The following RYR3 variants were observed in gnomAD, a reference collection of about 807,000 sequenced individuals.
RYR3 encodes the protein ryanodine receptor 3, also known as brain ryanodine receptor-calcium release channel.
A neutral mutation model predicts 584.3 loss-of-function variants in RYR3; 207 were observed. The observed-to-expected ratio is 0.35, with a 90% CI of 0.32 to 0.40. The LOEUF is 0.40. RYR3 is among the 10% of genes least tolerant of loss of function. The pLI is 1.00. For synonymous variants in RYR3, 2,416 were observed against 2,248.5 expected (o/e 1.07, Z -2.11); for missense variants, 5,616 against 6,089.2 (o/e 0.92, Z 2.59).
rs1167768915 is a variant in RYR3 at position 33,865,869 on chromosome 15, T to TG, written c.*643_*644insG. The TG allele has an allele frequency of 1.3e-5, 2 of 152,770 alleles. No individual in the cohort carries two copies. Among genetic ancestry groups the TG allele is most frequent in the African/African-American group, 4.8e-5 (2 of 41,474 alleles). 9.5% of individuals were successfully genotyped at this position (152,770 alleles called of 1,614,324 possible). A position where few individuals can be genotyped will look rare whatever the true frequency, so the allele number is the denominator to read the frequency against. ...ATTAGTTGTGATCTTCCGTCTTACT[T>TG]TATGAAACTGCACTTGAAGGTTATT... On this transcript the variant is annotated 3_prime_UTR_variant, in exon 104 of 104. Transcript: ENST00000634891.
At chr15:33,829,290 T>C (rs1448515724) in intron 85 of RYR3, among the ~76,000 whole-genome samples, 1 of 152,216 alleles carries the variant, frequency 6.6e-6, no homozygotes, top group Non-Finnish European at 1.5e-5. Flanking sequence ...ACAAGATTTA[T>C]TCTGCAGCCC....
At chr15:33,817,483 G>A (rs2076876429) in intron 75 of RYR3, among the ~76,000 whole-genome samples, 1 of 152,148 alleles carries the variant, frequency 6.6e-6, no homozygotes, top group Non-Finnish European at 1.5e-5. Context: ...CCTCATTCTG[G>A]TTCAGAGAGA....
intron 3 of RYR3, among the ~76,000 whole-genome samples, chr15:33,519,819 G>A (rs1056358682): frequency 6.6e-6 from 1 of 151,968 alleles, no homozygotes; most frequent in Admixed American, 6.6e-5. Context: ...CTATCCCCAG[G>A]CCCACATACA....
chr15:33,529,990 T>C (rs146726743), intron 3 of RYR3, among the ~76,000 whole-genome samples: 1,900 of 152,228 alleles, frequency 0.012, 45 homozygotes, highest in African/African-American at 0.043. Flanking sequence ...AACTGCCTGG[T>C]GAGGCAGAGA....
Position 33,450,114 on chromosome 15 carries a change from C to T in RYR3, c.52-23305C>T, listed in dbSNP as rs550333503. 1.2e-3 allele frequency among the ~76,000 whole-genome samples: 60 copies of T among 50,448 alleles called. 2 individuals carry two copies. The South Asian group carries it at 0.026, about 22-fold the overall frequency. 33.1% of individuals were successfully genotyped at this position (50,448 alleles called of 152,430 possible). On this transcript the variant is annotated intron_variant, in intron 1 of 103. Transcript: ENST00000634891. Reference sequence around the variant, plus strand: ...AAAAAAAAAAAAAAAAAAAAAAAGCCGGCAACTGTGAGCATTAGCAGTTAC... The same window carrying T: ...AAAAAAAAAAAAAAAAAAAAAAAGCTGGCAACTGTGAGCATTAGCAGTTAC...
intron 1 of RYR3, among the ~76,000 whole-genome samples, chr15:33,392,354 G>T (rs1358434426): frequency 6.6e-6 from 1 of 151,120 alleles, no homozygotes; most frequent in South Asian, 2.1e-4. Flanking sequence ...TTGAAATAAG[G>T]CTGGAGCACA....
At position 33,539,339 on chromosome 15, in the gene RYR3, C is replaced by A. The variant is rs762207625; in HGVS notation, c.434-11C>A. 16 of 1,545,196 alleles carry A rather than the reference C, an allele frequency of 1.0e-5. No homozygotes were observed. The highest frequency in any genetic ancestry group is 1.4e-5 in the African/African-American group (1 of 73,420). ...GTGAAGCAATGACTAACTCAAGGAGCCTTCATGTAGGAGAAGCCTGTTGGT... is the reference window on the plus strand; with the variant it reads ...GTGAAGCAATGACTAACTCAAGGAGACTTCATGTAGGAGAAGCCTGTTGGT... On this transcript the variant is annotated splice_polypyrimidine_tract_variant and intron_variant, in intron 5 of 103. Transcript: ENST00000634891.
At chr15:33,403,743 A>G (rs1225566055) in intron 1 of RYR3, among the ~76,000 whole-genome samples, 4 of 152,212 alleles carry the variant, frequency 2.6e-5, no homozygotes, top group Non-Finnish European at 5.9e-5. Flanking sequence ...TAATAATTCA[A>G]GTATTTCTAA....
At chr15:33,355,012 C>G (rs777885196) in intron 1 of RYR3, among the ~76,000 whole-genome samples, 1 of 151,926 alleles carries the variant, frequency 6.6e-6, no homozygotes. Flanking sequence ...GGTGAAACCC[C>G]GTCTCTACTA....
intron 94 of RYR3, chr15:33,851,410 C>T (rs2079103017): frequency 6.6e-6 from 1 of 152,052 alleles, no homozygotes; most frequent in Admixed American, 6.6e-5. Flanking sequence ...ATAGTGGCAC[C>T]TCATTGTATG....
chr15:33,773,977 C>T (rs1043244763), intron 64 of RYR3, among the ~76,000 whole-genome samples: 4 of 152,220 alleles, frequency 2.6e-5, no homozygotes, highest in Non-Finnish European at 4.4e-5. Context: ...CTGAGAAGCT[C>T]AAGGGACATG....
intron 1 of RYR3, among the ~76,000 whole-genome samples, chr15:33,441,469 C>G (rs2596238): frequency 6.6e-6 from 1 of 151,918 alleles, no homozygotes; most frequent in Non-Finnish European, 1.5e-5. Context: ...TGTTACTATT[C>G]CCATTTTTAG....
chr15:33,770,603 A>G (rs945797393), intron 62 of RYR3, among the ~76,000 whole-genome samples: 12 of 152,290 alleles, frequency 7.9e-5, no homozygotes, highest in Middle Eastern at 3.4e-3. Context: ...TTTAAAAATT[A>G]TCCAGACATG....
rs747346417 is a variant in RYR3 at position 33,566,778 on chromosome 15, C to A, written c.1247C>A (p.Ala416Asp). The change falls in exon 12 of 104, where the codon GCC (alanine) becomes GAC (aspartate). Residue 416 changes from alanine to aspartate, a missense_variant. Around this residue, in one of 9 missense-constraint regions of RYR3, gnomAD observed 1,284 missense variants for 1,344.6 expected, o/e 0.95. Transcript: ENST00000634891. Reference protein sequence around the residue: ...QAARIIRNTTALFSQFVSGNN... With the variant: ...QAARIIRNTTDLFSQFVSGNN... ...GCTCGGATCATCCGGAACACTACAG[C>A]CTTATTCAGCCAGTTTGTCAGGTAT... 6 of 1,613,600 alleles carry A rather than the reference C, an allele frequency of 3.7e-6. No individual in the cohort carries two copies.
intron 38 of RYR3, among the ~76,000 whole-genome samples, chr15:33,673,441 A>G (rs35250279): frequency 0.033 from 5,077 of 152,366 alleles, 118 homozygotes; most frequent in Non-Finnish European, 0.048. Context: ...CATATTGTTA[A>G]TGAAAGCTGT....
In RYR3 at chr15:33,634,663, C is replaced by T. The variant is rs1332503264; in HGVS notation, c.3105C>T (p.Asp1035=). 1 of 1,613,914 alleles carries T rather than the reference C, an allele frequency of 6.2e-7. No individual in the cohort carries two copies. The highest frequency in any genetic ancestry group is 1.7e-5 in the Admixed American group (1 of 60,028). The change falls in exon 25 of 104, where the codon GAC becomes GAT. Residue 1035 remains aspartate (D), a synonymous_variant. Coordinates refer to ENST00000634891, the MANE Select transcript of RYR3 (RefSeq NM_001036.6). ...LDERTKKSNR[D]SLREAVRTFV... ...AGCGTACCAAGAAGTCAAACAGGGA[C>T]AGCCTGCGGGAAGCTGTGCGCACTT... is the stretch of plus-strand genomic sequence containing the variant.
chr15:33,606,241 G>A (rs911337673), intron 18 of RYR3, among the ~76,000 whole-genome samples: 5 of 152,134 alleles, frequency 3.3e-5, no homozygotes, highest in African/African-American at 9.7e-5. Context: ...AGATTCTTAT[G>A]AAATTTAAAT....
chr15:33,760,100 A>C (rs1431553021), intron 60 of RYR3, among the ~76,000 whole-genome samples: 2 of 152,254 alleles, frequency 1.3e-5, no homozygotes, highest in Non-Finnish European at 2.9e-5. Context: ...GGATTTTGTC[A>C]CCACCAGGCC....
chr15:33,503,856 T>C, intron 3 of RYR3, 118 bp downstream of exon 3: 2 of 648,752 alleles, frequency 3.1e-6, no homozygotes, highest in Non-Finnish European at 2.8e-6. Flanking sequence ...ATGATTCATA[T>C]GGAGATAGTA....
Sources: gnomAD v4.1 joint callset for allele counts (sites outside exome capture counted in the v4.1 genomes callset) on GRCh38, gnomAD v4.1.1 for gene constraint, gnomAD v4.1.1 regional missense constraint, MANE v1.5 for transcripts, NCBI Gene and HGNC (gene_info 2026-07-23, HGNC 2026-07-21) for gene names.